FHIT: variants seen among roughly 807,000 people sequenced by gnomAD.
The protein encoded by FHIT is bis(5'-adenosyl)-triphosphatase.
Under a neutral mutation model 17.9 loss-of-function variants are expected in FHIT, and 19 were observed. The ratio of observed to expected loss-of-function variants is 1.06; its 90% CI spans 0.74 to 1.56. The LOEUF (loss-of-function observed/expected upper bound fraction) is 1.56. FHIT is among the 40% of genes most tolerant of loss of function. FHIT has a pLI of 0.00. For synonymous variants in FHIT, 81 were observed against 69.7 expected, an observed-to-expected ratio of 1.16 and a Z score of -0.81; for missense variants, 248 against 189.2, an observed-to-expected ratio of 1.31 and a Z score of -1.82.
At chr3:60,496,493 C>A (rs1375211065) in intron 5 of FHIT, among the ~76,000 whole-genome samples, 1 of 152,048 alleles carries the variant, frequency 6.6e-6, no homozygotes, top group Non-Finnish European at 1.5e-5. Context: ...AAAAAGTGTG[C>A]CAATGCAAAC....
At chr3:60,294,920 T>C (rs1259341084) in intron 5 of FHIT, among the ~76,000 whole-genome samples, 1 of 152,182 alleles carries the variant, frequency 6.6e-6, no homozygotes, top group Non-Finnish European at 1.5e-5. Flanking sequence ...CATTTAACTA[T>C]TCACCTGCAG....
At chr3:60,992,977 A>G (rs940529371) in intron 3 of FHIT, among the ~76,000 whole-genome samples, 8 of 152,204 alleles carry the variant, frequency 5.3e-5, no homozygotes, top group Non-Finnish European at 1.0e-4. Flanking sequence ...CCAACCCACA[A>G]TGCAAAGTCA....
At chr3:60,072,728 C>T (rs1255381976) in intron 5 of FHIT, among the ~76,000 whole-genome samples, 1 of 151,960 alleles carries the variant, frequency 6.6e-6, no homozygotes, top group Non-Finnish European at 1.5e-5. Flanking sequence ...TTAACCCTTG[C>T]AGCATATACC....
chr3:60,183,035 T>C (rs983251652), intron 5 of FHIT, among the ~76,000 whole-genome samples: 2 of 152,172 alleles, frequency 1.3e-5, no homozygotes, highest in Non-Finnish European at 2.9e-5. Context: ...TATGTAGTTC[T>C]TTCTCTCTGA....
intron 5 of FHIT, among the ~76,000 whole-genome samples, chr3:60,316,255 G>T (rs1224787319): frequency 6.6e-6 from 1 of 152,054 alleles, no homozygotes; most frequent in East Asian, 1.9e-4. Context: ...ACTCTTTCTG[G>T]GTGTATGGCA....
intron 2 of FHIT, among the ~76,000 whole-genome samples, chr3:61,055,965 T>C (rs1424001671): frequency 6.6e-6 from 1 of 152,262 alleles, no homozygotes. Context: ...ATTTATCCTT[T>C]GTGTTACAAA....
At chr3:60,709,139 C>T (rs1194911959) in intron 4 of FHIT, among the ~76,000 whole-genome samples, 1 of 152,026 alleles carries the variant, frequency 6.6e-6, no homozygotes, top group African/African-American at 2.4e-5. Flanking sequence ...GGATATTTAC[C>T]ATGTTAGAAA....
At chr3:60,502,480 G>A (rs142422583) in intron 5 of FHIT, among the ~76,000 whole-genome samples, 5 of 152,106 alleles carry the variant, frequency 3.3e-5, no homozygotes, top group African/African-American at 9.7e-5. Context: ...ACTTCACTCG[G>A]AAGTTACTTT....
At chr3:61,232,597 A>T (rs2040134560) in intron 1 of FHIT, among the ~76,000 whole-genome samples, 1 of 152,200 alleles carries the variant, frequency 6.6e-6, no homozygotes, top group Admixed American at 6.5e-5. Context: ...CAAGAGGAGA[A>T]ACATACCTTT....
At chr3:59,995,167 C>A (rs750450031) in intron 7 of FHIT, among the ~76,000 whole-genome samples, 1 of 151,416 alleles carries the variant, frequency 6.6e-6, no homozygotes, top group Non-Finnish European at 1.5e-5. Flanking sequence ...CTGCTGCAAC[C>A]GGAAATTACA....
At chr3:60,236,578 G>C (rs1048040896) in intron 5 of FHIT, among the ~76,000 whole-genome samples, 4 of 152,106 alleles carry the variant, frequency 2.6e-5, no homozygotes, top group Non-Finnish European at 4.4e-5. Context: ...TTATTTATCT[G>C]TAAGCAGTAG....
intron 5 of FHIT, among the ~76,000 whole-genome samples, chr3:60,104,338 A>C (rs1204279117): frequency 6.6e-6 from 1 of 152,132 alleles, no homozygotes; most frequent in Non-Finnish European, 1.5e-5. Flanking sequence ...TTTGTGTTCA[A>C]TGTGTGCATT....
At chr3:60,904,480 C>CA (rs36117889) in intron 3 of FHIT, among the ~76,000 whole-genome samples, 33 of 136,466 alleles carry the variant, frequency 2.4e-4, no homozygotes, top group African/African-American at 3.3e-4. Context: ...AATCCAAATG[C>CA]AAAAAAAAAA....
chr3:60,043,125 T>C (rs1219283814), intron 5 of FHIT, among the ~76,000 whole-genome samples: 1 of 152,158 alleles, frequency 6.6e-6, no homozygotes, highest in African/African-American at 2.4e-5. Context: ...TACTTCATTC[T>C]CCCTTGCATT....
intron 4 of FHIT, among the ~76,000 whole-genome samples, chr3:60,604,793 T>C (rs983059839): frequency 2.2e-4 from 33 of 152,152 alleles, no homozygotes; most frequent in African/African-American, 8.0e-4. Flanking sequence ...TTGGATCTCT[T>C]CAGAATAGTG....
At chr3:59,976,227 A>G (rs1575801130) in intron 7 of FHIT, among the ~76,000 whole-genome samples, 1 of 152,126 alleles carries the variant, frequency 6.6e-6, no homozygotes, top group East Asian at 1.9e-4. Flanking sequence ...AACCTGGCTG[A>G]GCAAATGCTT....
intron 3 of FHIT, among the ~76,000 whole-genome samples, chr3:60,978,263 G>A (rs1710346942): frequency 6.6e-6 from 1 of 152,128 alleles, no homozygotes; most frequent in East Asian, 1.9e-4. Flanking sequence ...AGATTTCTTG[G>A]GAGTCTTGTT....
rs536816617 is a variant in FHIT, at chr3:61,091,890, T to C, written c.-163-49791A>G. 1.0e-4 allele frequency among the ~76,000 whole-genome samples: 13 copies of C among 128,376 alleles called. No individual in the cohort carries two copies. The South Asian group carries it at 2.7e-3, about 26-fold the overall frequency. The allele number at this position is 128,376 out of a possible 152,430, so 84.2% of individuals were successfully genotyped here. A position where few individuals can be genotyped will look rare whatever the true frequency, so the allele number is the denominator to read the frequency against. ...GGGAGGTTGAGGCTACAGTGACCCA[T>C]GATCATGCCACTGTGCTCCAGCCTG... is the stretch of plus-strand genomic sequence containing the variant. On this transcript the variant is annotated intron_variant, in intron 2 of 9. Coordinates refer to ENST00000492590, the MANE Select transcript of FHIT (RefSeq NM_002012.4).
intron 4 of FHIT, among the ~76,000 whole-genome samples, chr3:60,599,718 G>A (rs1363976252): frequency 6.7e-6 from 1 of 150,332 alleles, no homozygotes; most frequent in Non-Finnish European, 1.5e-5. Flanking sequence ...ACTACCAGAA[G>A]TCCTAATGGT....
Sources: gnomAD v4.1 joint callset for allele counts (sites outside exome capture counted in the v4.1 genomes callset) on GRCh38, gnomAD v4.1.1 for gene constraint, MANE v1.5 for transcripts, NCBI Gene and HGNC (gene_info 2026-07-23, HGNC 2026-07-21) for gene names.